Variants in NSRP1 observed in about 807,000 individuals in gnomAD.
The protein encoded by NSRP1 is coiled-coil domain containing 55.
A neutral mutation model predicts 54.7 loss-of-function variants in NSRP1; 24 were observed. The observed-to-expected ratio is 0.44, with a 90% CI of 0.32 to 0.62. The LOEUF is 0.62. Ranked by LOEUF, NSRP1 falls within the 20% of genes least tolerant of loss-of-function variation. The pLI is 0.06. For missense variants in NSRP1, 596 were observed against 651.2 expected, an observed-to-expected ratio of 0.92 and a Z score of 0.92; for synonymous variants, 210 against 213.8, an observed-to-expected ratio of 0.98 and a Z score of 0.15.
chr17:30,141,686 G>A (rs1015453676), intron 2 of NSRP1, among the ~76,000 whole-genome samples: 1 of 152,060 alleles, frequency 6.6e-6, no homozygotes, highest in Non-Finnish European at 1.5e-5. Flanking sequence ...ATTGGTTATC[G>A]TGACAATTTT....
intron 2 of NSRP1, among the ~76,000 whole-genome samples, chr17:30,131,631 C>CT (rs1230636198): frequency 2.0e-5 from 3 of 152,124 alleles, no homozygotes; most frequent in Admixed American, 2.0e-4. Context: ...CAGCAATAAT[C>CT]TTTTTGCTGG....
rs1391645635 is a variant in NSRP1 at position 30,155,361 on chromosome 17, A to G, written c.115-17181A>G. On this transcript the variant is annotated intron_variant, in intron 2 of 6. Transcript: ENST00000247026. ...TAATGTATCTAGTTGTTGTATATGCAGGCGTGTGTGTTTTATTTATCCTCT... is the reference window on the plus strand; with the variant it reads ...TAATGTATCTAGTTGTTGTATATGCGGGCGTGTGTGTTTTATTTATCCTCT... Among the ~76,000 whole-genome samples the G allele has an allele frequency of 2.0e-5, 3 of 152,024 alleles. No homozygotes were observed. In the East Asian group the frequency reaches 5.8e-4, roughly 29 times the overall value.
intron 3 of NSRP1, among the ~76,000 whole-genome samples, chr17:30,176,187 G>A (rs553249203): frequency 6.6e-6 from 1 of 151,956 alleles, no homozygotes; most frequent in African/African-American, 2.4e-5. Flanking sequence ...TTATGGATTT[G>A]TCTATTTTTC....
At chr17:30,184,240 TTAAGC>T (rs1311208973) in intron 6 of NSRP1, among the ~76,000 whole-genome samples, 1 of 152,220 alleles carries the variant, frequency 6.6e-6, no homozygotes, top group Non-Finnish European at 1.5e-5. Flanking sequence ...CAGTCACAAC[TTAAGC>T]TTCATGTTGT....
intron 5 of NSRP1, among the ~76,000 whole-genome samples, chr17:30,180,463 CT>C (rs1905257163): frequency 6.6e-6 from 1 of 152,194 alleles, no homozygotes; most frequent in Non-Finnish European, 1.5e-5. Flanking sequence ...TCCTCTTCAG[CT>C]TTTAAGTAGA....
intron 2 of NSRP1, among the ~76,000 whole-genome samples, chr17:30,139,332 C>CT (rs2071782079): frequency 1.3e-5 from 2 of 152,032 alleles, no homozygotes; most frequent in African/African-American, 4.8e-5. Context: ...GGTGGGTTGC[C>CT]TTTTCACTCT....
At chr17:30,146,082 C>T (rs548933340) in intron 2 of NSRP1, among the ~76,000 whole-genome samples, 3 of 152,292 alleles carry the variant, frequency 2.0e-5, no homozygotes, top group East Asian at 1.9e-4. Flanking sequence ...CTCCTAGCCT[C>T]AAGCAGTTCT....
Position 30,118,166 on chromosome 17 carries a change from A to C in NSRP1, c.107A>C (p.Asp36Ala). 6.2e-7 allele frequency: 1 copy of C among 1,613,110 alleles called. No individual in the cohort carries two copies. The change falls in exon 2 of 7, where the codon GAT (aspartate) becomes GCT (alanine). Residue 36 changes from aspartate (D) to alanine (A), a missense_variant. Transcript: ENST00000247026. ...GTGTTTGGGAATGATTCTGATGATG[A>C]TGATGAGGTAAGGAAACCTATGTTT... The part of the protein sequence containing the change: ...PSVFGNDSDD[D>A]DETSVSESLQ...
At chr17:30,143,901 T>G (rs2071828343) in intron 2 of NSRP1, among the ~76,000 whole-genome samples, 1 of 152,166 alleles carries the variant, frequency 6.6e-6, no homozygotes, top group Non-Finnish European at 1.5e-5. Context: ...TGTGCTTATT[T>G]CACATGGCAT....
chr17:30,126,411 A>G (rs2071650098), intron 2 of NSRP1, among the ~76,000 whole-genome samples: 1 of 152,170 alleles, frequency 6.6e-6, no homozygotes, highest in Non-Finnish European at 1.5e-5. Flanking sequence ...ACTTCTTTCA[A>G]GATACCTTCT....
At chr17:30,184,331 G>A (rs1212847098) in intron 6 of NSRP1, among the ~76,000 whole-genome samples, 4 of 152,140 alleles carry the variant, frequency 2.6e-5, no homozygotes, top group South Asian at 2.1e-4. Context: ...AAAAAATGAA[G>A]ACCTGTACAG....
At chr17:30,125,878 T>G (rs1288473482) in intron 2 of NSRP1, 1 of 152,154 alleles carries the variant, frequency 6.6e-6, no homozygotes, top group Non-Finnish European at 1.5e-5. Flanking sequence ...ATTGTCAGAA[T>G]AAGTTAGAAA....
chr17:30,150,592 G>C (rs1200124685), intron 2 of NSRP1: 1 of 149,234 alleles, frequency 6.7e-6, no homozygotes, highest in Non-Finnish European at 1.5e-5. Context: ...CCGTGGTCTC[G>C]ATCTCCTGAC....
At chr17:30,176,881 T>C (rs1427172868) in intron 3 of NSRP1, among the ~76,000 whole-genome samples, 1 of 152,186 alleles carries the variant, frequency 6.6e-6, no homozygotes, top group Non-Finnish European at 1.5e-5. Flanking sequence ...AGAGTTTAAA[T>C]GTTGGTATGT....
At chr17:30,182,548 A>G (rs1038579615) in intron 6 of NSRP1, among the ~76,000 whole-genome samples, 8 of 152,170 alleles carry the variant, frequency 5.3e-5, no homozygotes, top group African/African-American at 4.8e-5. Flanking sequence ...AGGTTGAGGC[A>G]GGAGAATTGC....
At chr17:30,173,508 A>G (rs1405032014) in intron 3 of NSRP1, among the ~76,000 whole-genome samples, 3 of 152,014 alleles carry the variant, frequency 2.0e-5, no homozygotes, top group African/African-American at 7.3e-5. Context: ...AACAATAGCG[A>G]GGTGCCTTTG....
Position 30,116,853 on chromosome 17 carries a change from C to T in NSRP1, c.10C>T (p.Pro4Ser), listed in dbSNP as rs761196282. The T allele has an allele frequency of 1.3e-5, 21 of 1,575,946 alleles. No individual in the cohort carries two copies. Among genetic ancestry groups the T allele is most frequent in the Middle Eastern group, 1.7e-4 (1 of 6,048 alleles). Residue 4 changes from proline (P) to serine (S), a missense_variant, in exon 1 of 7, where the codon CCG (proline) becomes TCG (serine). Transcript: ENST00000247026. MAI[P>S]GRQYGLILPK... is the part of the protein sequence containing the mutation. Reference sequence around the variant, plus strand: ...CGGACACGGGAGCAAGATGGCGATTCCGGGCAGGCAGTGAGTGATCCGGGA... The same window carrying T: ...CGGACACGGGAGCAAGATGGCGATTTCGGGCAGGCAGTGAGTGATCCGGGA...
At chr17:30,146,578 T>C (rs543570595) in intron 2 of NSRP1, among the ~76,000 whole-genome samples, 6 of 152,308 alleles carry the variant, frequency 3.9e-5, no homozygotes, top group South Asian at 2.1e-4. Flanking sequence ...GTGCCTTATC[T>C]GCAGTTTAAT....
intron 3 of NSRP1, among the ~76,000 whole-genome samples, chr17:30,176,328 T>C (rs771936820): frequency 5.5e-4 from 84 of 152,144 alleles, no homozygotes; most frequent in Non-Finnish European, 1.2e-3. Context: ...AAAACAGCCC[T>C]GGCCGGGTGC....
Sources: allele counts gnomAD v4.1 joint callset (sites outside exome capture counted in the v4.1 genomes callset), GRCh38; gene constraint gnomAD v4.1.1; transcripts MANE v1.5; gene names NCBI Gene and HGNC (gene_info 2026-07-23, HGNC 2026-07-21).